VCP: variants seen among roughly 807,000 people sequenced by gnomAD.
The protein encoded by VCP is transitional endoplasmic reticulum ATPase.
VCP carries 6 observed loss-of-function variants against 85.7 expected under a neutral mutation model. The observed-to-expected ratio is 0.07, with a 90% CI of 0.04 to 0.14. The LOEUF (loss-of-function observed/expected upper bound fraction) is 0.14. VCP is among the 10% of genes least tolerant of loss of function. The pLI is 1.00. For synonymous variants in VCP, 384 were observed against 367.1 expected, an observed-to-expected ratio of 1.05 and a Z score of -0.53; for missense variants, 353 against 1,043.4, an observed-to-expected ratio of 0.34 and a Z score of 9.12.
intron 15 of VCP, chr9:35,057,859 C>T (rs373355820): frequency 4.8e-6 from 2 of 413,886 alleles, no homozygotes; most frequent in African/African-American, 4.1e-5. Flanking sequence ...CTTACACACA[C>T]TTGTCATAAA....
intron 12 of VCP, 108 bp from the exon 13 acceptor site, chr9:35,060,633 G>A (rs1587121423): frequency 2.6e-6 from 4 of 1,513,662 alleles, no homozygotes; most frequent in Non-Finnish European, 3.7e-6. Context: ...AATGGTATCA[G>A]ATCCAGGTTC....
intron 4 of VCP, among the ~76,000 whole-genome samples, chr9:35,066,308 C>A (rs1407204795): frequency 1.4e-5 from 2 of 147,012 alleles, no homozygotes; most frequent in East Asian, 4.2e-4. Flanking sequence ...GTCACCCAGG[C>A]TGCAGTACTG....
intron 13 of VCP, among the ~76,000 whole-genome samples, chr9:35,060,109 C>A (rs1314847623): frequency 2.7e-5 from 4 of 150,898 alleles, no homozygotes; most frequent in Admixed American, 2.0e-4. Flanking sequence ...CCAACCTGGG[C>A]AACAGAGCCA....
rs896071989 is a variant in VCP at position 35,072,384 on chromosome 9, G to C, written c.-31C>G. The C allele has an allele frequency of 2.4e-5, 35 of 1,473,924 alleles. No individual in the cohort carries two copies. In the Middle Eastern group the frequency reaches 5.7e-4, roughly 24 times the overall value. 91.3% of individuals were successfully genotyped at this position (1,473,924 alleles called of 1,614,324 possible). ...GCGCCTCTCCCGGCCGGCGGCTGTG[G>C]CGGCCCGCGGGTAACGGCTACGAGC... On this transcript the variant is annotated 5_prime_UTR_variant, in exon 1 of 17. Transcript: ENST00000358901.
chr9:35,059,904 G>A lies in VCP; in HGVS notation c.1696-103C>T, dbSNP rs1488918828. The A allele has an allele frequency of 2.0e-6, 3 of 1,470,682 alleles. No individual in the cohort carries two copies. The African/African-American group carries it at 4.2e-5, about 20-fold the overall frequency. The allele number at this position is 1,470,682 out of a possible 1,614,324, so 91.1% of individuals were successfully genotyped here. On this transcript the variant is annotated intron_variant, in intron 13 of 16. Transcript: ENST00000358901. This position sits in a 1 kb window ranked among gnomAD's most constrained non-coding sequence, Gnocchi z 4.9. ...TCCCAGCACTTTGGGAGGCCAAGGT[G>A]GGAGGATCACTTGAGGCCAGAAATC...
intron 3 of VCP, among the ~76,000 whole-genome samples, chr9:35,067,163 A>C (rs998927582): frequency 2.6e-5 from 4 of 152,200 alleles, no homozygotes; most frequent in African/African-American, 9.7e-5. Flanking sequence ...AGTGAAACAG[A>C]AGTGAAAAAA....
intron 15 of VCP, among the ~76,000 whole-genome samples, chr9:35,058,308 A>C (rs554688742): frequency 2.6e-5 from 4 of 152,378 alleles, no homozygotes; most frequent in Admixed American, 6.5e-5. Context: ...TTGGAACTTA[A>C]TGAATTAATT....
chr9:35,071,697 A>C, intron 1 of VCP: 1 of 984,770 alleles, frequency 1.0e-6, no homozygotes, highest in Non-Finnish European at 1.2e-6. Flanking sequence ...AGCGAAAGGT[A>C]GGGCTCGCCC....
At chr9:35,066,901 C>T (rs1587129078) in intron 3 of VCP, 84 bp from the exon 4 acceptor site, 3 of 1,604,670 alleles carry the variant, frequency 1.9e-6, no homozygotes, top group African/African-American at 1.3e-5. Flanking sequence ...GCACAGATAG[C>T]TGATAGTAAG....
intron 3 of VCP, among the ~76,000 whole-genome samples, 159 bp from the exon 4 acceptor site, chr9:35,066,976 C>T (rs761507411): frequency 3.9e-4 from 60 of 152,150 alleles, no homozygotes; most frequent in Non-Finnish European, 7.6e-4. Context: ...GAAGTGAGGG[C>T]GAAGGAACAG....
At position 35,059,884 on chromosome 9, in the gene VCP, G is replaced by A. The variant is rs1587120604; in HGVS notation, c.1696-83C>T. ...GTGGTGGCTCACACCTGTATTCCCAGCACTTTGGGAGGCCAAGGTGGGAGG... is the reference window on the plus strand; with the variant it reads ...GTGGTGGCTCACACCTGTATTCCCAACACTTTGGGAGGCCAAGGTGGGAGG... On this transcript the variant is annotated intron_variant, in intron 13 of 16. Coordinates refer to ENST00000358901, the MANE Select transcript of VCP (RefSeq NM_007126.5). The surrounding 1 kb of genome is among the most constrained non-coding windows in gnomAD (Gnocchi z 4.9). The A allele has an allele frequency of 1.1e-5, 18 of 1,577,332 alleles. No individual in the cohort carries two copies. The East Asian group carries it at 3.6e-4, about 31-fold the overall frequency.
At chr9:35,057,999 C>T (rs1227712195) in intron 15 of VCP, among the ~76,000 whole-genome samples, 2 of 152,190 alleles carry the variant, frequency 1.3e-5, no homozygotes, top group East Asian at 1.9e-4. Flanking sequence ...TCCTACCTAG[C>T]GGTCTCACTT....
chr9:35,064,645 A>AG (rs1474203019), intron 5 of VCP, among the ~76,000 whole-genome samples: 1 of 152,234 alleles, frequency 6.6e-6, no homozygotes, highest in African/African-American at 2.4e-5. Flanking sequence ...CTTACTGAGA[A>AG]GGGGTCTCTA....
chr9:35,070,248 C>T (rs1396207687), intron 1 of VCP, among the ~76,000 whole-genome samples: 2 of 152,136 alleles, frequency 1.3e-5, no homozygotes, highest in African/African-American at 4.8e-5. Context: ...AGTAGGCAGA[C>T]TCTTCCAATG....
At chr9:35,069,366 T>C (rs1828893984) in intron 1 of VCP, among the ~76,000 whole-genome samples, 1 of 151,874 alleles carries the variant, frequency 6.6e-6, no homozygotes, top group African/African-American at 2.4e-5. Flanking sequence ...GCTAGGATCA[T>C]TCACCAGACA....
Position 35,065,288 on chromosome 9 carries a change from G to A in VCP, c.539C>T (p.Thr180Ile). ...AGGCTCCCCTTCGCAGTGGATCACTGTGTCTGGAGCAACAATGCAATAAGG... is the reference window on the plus strand; with the variant it reads ...AGGCTCCCCTTCGCAGTGGATCACTATGTCTGGAGCAACAATGCAATAAGG... ...PSPYCIVAPD[T>I]VIHCEGEPIK... The change falls in exon 5 of 17, where the codon ACA becomes ATA. Residue 180 changes from threonine to isoleucine, a missense_variant. Physicochemically the swap from Thr to Ile is moderately conservative, Grantham distance 89 (BLOSUM62 -1). Transcript: ENST00000358901. 6.2e-7 allele frequency: 1 copy of A among 1,614,202 alleles called. No individual in the cohort carries two copies. The highest frequency in any genetic ancestry group is 2.2e-5 in the East Asian group (1 of 44,888).
chr9:35,060,755 T>A (rs1421592161), intron 12 of VCP, 46 bp downstream of exon 12: 20 of 1,613,944 alleles, frequency 1.2e-5, no homozygotes, highest in Non-Finnish European at 1.7e-5. Flanking sequence ...CCAGATCAAT[T>A]ACAATGTACT....
At chr9:35,060,001 G>T (rs549743349) in intron 13 of VCP, 200 bp from the exon 14 acceptor site, 21 of 700,972 alleles carry the variant, frequency 3.0e-5, no homozygotes, top group Non-Finnish European at 2.4e-6. Context: ...ATGTGGTGAC[G>T]CATGCCTATA....
chr9:35,065,478 G>C (rs1828810953), intron 4 of VCP, 97 bp from the exon 5 acceptor site: 6 of 1,531,272 alleles, frequency 3.9e-6, no homozygotes, highest in South Asian at 3.5e-5. Context: ...AAGCTCATTA[G>C]ATAGTGCCCT....
Sources: allele counts gnomAD v4.1 joint callset (sites outside exome capture counted in the v4.1 genomes callset), GRCh38; gene constraint gnomAD v4.1.1; non-coding constraint Gnocchi (gnomAD v3.1); transcripts MANE v1.5; gene names NCBI Gene and HGNC (gene_info 2026-07-23, HGNC 2026-07-21).